The following BTD variants were observed in gnomAD, a reference collection of about 807,000 sequenced individuals.
The protein encoded by BTD is biotinidase, also known as biocytinase.
In BTD, 13 loss-of-function variants were observed where a neutral mutation model predicts 17.7. The ratio of observed to expected loss-of-function variants is 0.74; its 90% CI spans 0.48 to 1.17. BTD has a LOEUF of 1.17. Among genes scored for constraint, BTD ranks in the 50% most tolerant of loss-of-function variants. BTD has a pLI of 0.00. For missense variants in BTD, 674 were observed against 650.4 expected, an observed-to-expected ratio of 1.04 and a Z score of -0.39; for synonymous variants, 240 against 245.2, an observed-to-expected ratio of 0.98 and a Z score of 0.20.
In BTD at chr3:15,638,845, A is replaced by C. The variant is rs145231648; in HGVS notation, c.250-3063A>C. Reference sequence around the variant, plus strand: ...AGCATATTACTGTACTGAACACTGTAGGCAGTTGTAACAAGTGGTAAGCAT... The same window carrying C: ...AGCATATTACTGTACTGAACACTGTCGGCAGTTGTAACAAGTGGTAAGCAT... On this transcript the variant is annotated intron_variant, in intron 2 of 3. Coordinates refer to ENST00000643237, the MANE Select transcript of BTD (RefSeq NM_001370658.1). Among the ~76,000 whole-genome samples the C allele has an allele frequency of 2.5e-3, 376 of 152,368 alleles. 4 individuals are homozygous for C. The highest frequency in any genetic ancestry group is 1.0e-3 in the Non-Finnish European group (68 of 68,040).
At chr3:15,668,496 A>T (rs561987129) in intron 3 of BTD, 1 of 152,666 alleles carries the variant, frequency 6.6e-6, no homozygotes, top group East Asian at 1.9e-4. Context: ...GATTAGATTT[A>T]TAATTTCTGT....
At chr3:15,660,229 C>T (rs2065909113) in intron 3 of BTD, among the ~76,000 whole-genome samples, 1 of 152,210 alleles carries the variant, frequency 6.6e-6, no homozygotes, top group African/African-American at 2.4e-5. Flanking sequence ...CTGCTGGGAC[C>T]AACTGGCTCC....
intron 1 of BTD, among the ~76,000 whole-genome samples, chr3:15,625,112 G>C (rs1299863125): frequency 6.6e-6 from 1 of 152,146 alleles, no homozygotes; most frequent in African/African-American, 2.4e-5. Context: ...AGTTGGACTC[G>C]ATGTACTAAG....
chr3:15,601,922 AG>A lies in BTD; in HGVS notation c.-17+33del, dbSNP rs780378041. ...ACGGAGGGGGCGTGGTGCGGCGCGG[AG>A]GGGGTGTGGTAAGGGCGTGCGGTCC... On this transcript the variant is annotated intron_variant, in intron 1 of 3. Transcript: ENST00000643237. The A allele has an allele frequency of 3.3e-4, 530 of 1,612,374 alleles. 2 individuals carry two copies. The highest frequency in any genetic ancestry group is 2.6e-4 in the Non-Finnish European group (310 of 1,179,840).
intron 3 of BTD, among the ~76,000 whole-genome samples, chr3:15,660,603 C>T (rs561799695): frequency 2.8e-4 from 43 of 152,170 alleles, no homozygotes; most frequent in African/African-American, 9.6e-4. Flanking sequence ...ATTTACAAAC[C>T]GGACATATGA....
chr3:15,661,274 AAAAAAAAAAAAAAAAAAAAG>A (rs1175455487), intron 3 of BTD, among the ~76,000 whole-genome samples: 1 of 134,592 alleles, frequency 7.4e-6, no homozygotes, highest in Non-Finnish European at 1.6e-5. Context: ...TCAAAAAAAA[AAAAAAAAAAAAAAAAAAAAG>A]AAAAAGAAAA....
chr3:15,603,716 T>C (rs1262079899), intron 1 of BTD, among the ~76,000 whole-genome samples: 1 of 152,166 alleles, frequency 6.6e-6, no homozygotes, highest in Non-Finnish European at 1.5e-5. Flanking sequence ...AGTTACTTCC[T>C]AGATACAATG....
At chr3:15,666,539 CTAT>C (rs1323797766) in intron 3 of BTD, among the ~76,000 whole-genome samples, 5 of 152,324 alleles carry the variant, frequency 3.3e-5, no homozygotes, top group East Asian at 1.9e-4. Flanking sequence ...TAGGCATTTT[CTAT>C]TATTATTACC....
intron 1 of BTD, among the ~76,000 whole-genome samples, chr3:15,623,796 C>T (rs1213597560): frequency 6.6e-6 from 1 of 152,192 alleles, no homozygotes; most frequent in Non-Finnish European, 1.5e-5. Flanking sequence ...TCTCCATCTT[C>T]TGCCACCATG....
exon 4 of BTD, among the ~76,000 whole-genome samples, chr3:15,712,752 T>C (rs2072481424): frequency 6.6e-6 from 1 of 152,228 alleles, no homozygotes; most frequent in Non-Finnish European, 1.5e-5. Flanking sequence ...GTGAAATCTT[T>C]ATACAATAAT....
intron 1 of BTD, among the ~76,000 whole-genome samples, chr3:15,619,065 AG>A (rs1463400808): frequency 6.6e-6 from 1 of 152,172 alleles, no homozygotes; most frequent in Non-Finnish European, 1.5e-5. Flanking sequence ...TGCATTAGCT[AG>A]GACTTACGGT....
chr3:15,635,277 T>C lies in BTD; in HGVS notation c.-16-147T>C. Reference sequence around the variant, plus strand: ...GTTTGGAGAGAAACACATACTCTTTTATTAGGAACATGAAACAAACTCTTT... The same window carrying C: ...GTTTGGAGAGAAACACATACTCTTTCATTAGGAACATGAAACAAACTCTTT... On this transcript the variant is annotated intron_variant, in intron 1 of 3. Coordinates refer to ENST00000643237, the MANE Select transcript of BTD (RefSeq NM_001370658.1). This position sits in a 1 kb window ranked among gnomAD's most constrained non-coding sequence, Gnocchi z 4.1. The C allele has an allele frequency of 8.1e-7, 1 of 1,236,262 alleles. No individual in the cohort carries two copies. Among genetic ancestry groups the C allele is most frequent in the Non-Finnish European group, 1.2e-6 (1 of 854,260 alleles). 76.6% of individuals were successfully genotyped at this position (1,236,262 alleles called of 1,614,324 possible).
intron 3 of BTD, among the ~76,000 whole-genome samples, chr3:15,706,265 G>A (rs961000601): frequency 1.1e-4 from 17 of 150,806 alleles, no homozygotes; most frequent in Admixed American, 5.3e-4. Context: ...GACAGGCCCC[G>A]GTGTGTGATG....
chr3:15,611,415 A>G (rs778041772), intron 1 of BTD, among the ~76,000 whole-genome samples: 40 of 152,328 alleles, frequency 2.6e-4, no homozygotes, highest in Middle Eastern at 3.4e-3. Context: ...AGGTTTTATT[A>G]TCAGATTTTT....
chr3:15,677,481 T>C (rs1377375545), intron 3 of BTD: 46 of 1,608,440 alleles, frequency 2.9e-5, no homozygotes, highest in Non-Finnish European at 3.9e-5. Context: ...TATACATACC[T>C]TGCTACAAGC....
At chr3:15,637,726 G>T (rs906846556) in intron 2 of BTD, among the ~76,000 whole-genome samples, 12 of 152,176 alleles carry the variant, frequency 7.9e-5, no homozygotes, top group Non-Finnish European at 1.5e-4. Context: ...ACTGAGTCCA[G>T]CACCTGAAAT....
At chr3:15,670,421 G>T in intron 3 of BTD, 1 of 1,613,940 alleles carries the variant, frequency 6.2e-7, no homozygotes, top group East Asian at 2.2e-5. Context: ...TGAGGTGTTG[G>T]TATAACGGTT....
At chr3:15,618,958 A>T (rs1041852068) in intron 1 of BTD, among the ~76,000 whole-genome samples, 1 of 152,202 alleles carries the variant, frequency 6.6e-6, no homozygotes, top group Non-Finnish European at 1.5e-5. Flanking sequence ...ATTTTTTATT[A>T]ATTCATTCCA....
At chr3:15,622,500 A>C (rs749294917) in intron 1 of BTD, among the ~76,000 whole-genome samples, 3 of 152,158 alleles carry the variant, frequency 2.0e-5, no homozygotes, top group Non-Finnish European at 2.9e-5. Context: ...GTTCCATGTG[A>C]GCTTGAGAAG....
Sources: gnomAD v4.1 joint callset for allele counts (sites outside exome capture counted in the v4.1 genomes callset) on GRCh38, gnomAD v4.1.1 for gene constraint, Gnocchi (gnomAD v3.1) non-coding constraint, MANE v1.5 for transcripts, NCBI Gene and HGNC (gene_info 2026-07-23, HGNC 2026-07-21) for gene names.